LRP1B: variants seen among roughly 807,000 people sequenced by gnomAD.
The protein encoded by LRP1B is low-density lipoprotein receptor-related protein 1B.
Under a neutral mutation model 556.6 loss-of-function variants are expected in LRP1B, and 217 were observed. The ratio of observed to expected loss-of-function variants is 0.39; its 90% CI spans 0.35 to 0.44. The LOEUF is 0.44. Ranked by LOEUF, LRP1B falls within the 20% of genes least tolerant of loss-of-function variation. The pLI, the probability that LRP1B is intolerant of heterozygous loss-of-function variation, is 1.00. For missense variants in LRP1B, 5,053 were observed against 5,620.8 expected, an observed-to-expected ratio of 0.90 and a Z score of 3.23; for synonymous variants, 2,047 against 1,865.8, an observed-to-expected ratio of 1.10 and a Z score of -2.50.
In LRP1B at chr2:140,483,156, CT is replaced by C. The variant is rs554095067; in HGVS notation, c.9425+2186del. Among the ~76,000 whole-genome samples, 16 of 152,032 alleles carry C rather than the reference CT, an allele frequency of 1.1e-4. No homozygotes were observed. The South Asian group carries it at 3.1e-3, about 30-fold the overall frequency. ...TTTCATAAAGAGATCCAACTTTTAC[CT>C]TTTTCTTTGGTTATAATATGACATA... On this transcript the variant is annotated intron_variant, in intron 59 of 90. Transcript: ENST00000389484.
intron 1 of LRP1B, among the ~76,000 whole-genome samples, chr2:141,926,656 C>A (rs1700340568): frequency 1.3e-5 from 2 of 152,104 alleles, no homozygotes; most frequent in Admixed American, 1.3e-4. Context: ...AAGCAAAGTT[C>A]ACATATTGCT....
At chr2:140,718,261 C>A (rs970527127) in intron 35 of LRP1B, among the ~76,000 whole-genome samples, 2 of 151,830 alleles carry the variant, frequency 1.3e-5, no homozygotes, top group African/African-American at 4.8e-5. Context: ...ATAGTTGGCA[C>A]CTCCATCCTC....
chr2:142,035,484 CA>C (rs1423416440), intron 1 of LRP1B, among the ~76,000 whole-genome samples: 2 of 151,276 alleles, frequency 1.3e-5, no homozygotes, highest in African/African-American at 4.9e-5. Flanking sequence ...TTAATATTCA[CA>C]GACGGTTCTA....
chr2:141,481,202 T>A (rs184355421), intron 2 of LRP1B, among the ~76,000 whole-genome samples: 1 of 152,204 alleles, frequency 6.6e-6, no homozygotes. Flanking sequence ...TCACCATTTG[T>A]GTTTTTAAGA....
Position 141,548,328 on chromosome 2 carries a change from T to A in LRP1B, c.206-67795A>T, listed in dbSNP as rs11695344. Among the ~76,000 whole-genome samples, 333 of 152,322 alleles carry A rather than the reference T, an allele frequency of 2.2e-3. 1 individual carries two copies. The highest frequency in any genetic ancestry group is 3.5e-3 in the Admixed American group (54 of 15,290). ...ATCCTTATCATTTTGTCACTGTAAC[T>A]GGAGGATGACTGTGAACTAAATAGG... On this transcript the variant is annotated intron_variant, in intron 2 of 90. Coordinates refer to ENST00000389484, the MANE Select transcript of LRP1B (RefSeq NM_018557.3).
At chr2:141,376,860 C>T (rs949922003) in intron 3 of LRP1B, among the ~76,000 whole-genome samples, 19 of 152,166 alleles carry the variant, frequency 1.2e-4, no homozygotes, top group Admixed American at 1.0e-3. Context: ...CTTTCTATTT[C>T]AATCAGAGTA....
At chr2:141,358,807 G>C (rs140741417) in intron 3 of LRP1B, among the ~76,000 whole-genome samples, 13 of 151,940 alleles carry the variant, frequency 8.6e-5, no homozygotes, top group African/African-American at 3.1e-4. Context: ...AAAATAATAC[G>C]ACATAATTGG....
chr2:140,640,673 G>T (rs953743209), intron 41 of LRP1B, among the ~76,000 whole-genome samples: 9 of 151,796 alleles, frequency 5.9e-5, no homozygotes, highest in Non-Finnish European at 1.3e-4. Context: ...GTGAGCCACC[G>T]CACCTGGCTC....
intron 5 of LRP1B, among the ~76,000 whole-genome samples, chr2:141,239,581 T>C (rs1230913915): frequency 6.6e-6 from 1 of 152,064 alleles, no homozygotes; most frequent in African/African-American, 2.4e-5. Flanking sequence ...TGAGAGAAGA[T>C]AGGATCTGTA....
intron 7 of LRP1B, among the ~76,000 whole-genome samples, chr2:141,099,002 C>T (rs1229566478): frequency 1.3e-5 from 2 of 152,058 alleles, no homozygotes; most frequent in African/African-American, 4.8e-5. Context: ...CCAAAACATT[C>T]AAAGGCCACA....
At chr2:140,635,675 A>C (rs1485879341) in intron 41 of LRP1B, among the ~76,000 whole-genome samples, 1 of 151,998 alleles carries the variant, frequency 6.6e-6, no homozygotes, top group Non-Finnish European at 1.5e-5. Context: ...TATATACTAT[A>C]TATAACATGT....
Position 142,130,933 on chromosome 2 carries a change from C to G in LRP1B, c.-204G>C. 1.6e-6 allele frequency: 1 copy of G among 612,802 alleles called. No homozygotes were observed. The highest frequency in any genetic ancestry group is 2.9e-6 in the Non-Finnish European group (1 of 340,992). 38.0% of individuals were successfully genotyped at this position (612,802 alleles called of 1,614,324 possible). A position where few individuals can be genotyped will look rare whatever the true frequency, so the allele number is the denominator to read the frequency against. ...AGGATGTGGAAGGTGGAGGGATGCGCGCGTGCGGGAGAGAGGAGGCAGAGC... is the reference window on the plus strand; with the variant it reads ...AGGATGTGGAAGGTGGAGGGATGCGGGCGTGCGGGAGAGAGGAGGCAGAGC... On this transcript the variant is annotated 5_prime_UTR_variant, in exon 1 of 91. Transcript: ENST00000389484.
At chr2:140,887,458 A>AT (rs531290711) in intron 23 of LRP1B, among the ~76,000 whole-genome samples, 66 of 152,216 alleles carry the variant, frequency 4.3e-4, no homozygotes, top group Middle Eastern at 3.4e-3. Flanking sequence ...TGGAAAGATG[A>AT]TTTTTCCTCC....
chr2:141,190,079 T>A (rs1026595163), intron 6 of LRP1B, among the ~76,000 whole-genome samples: 2 of 152,028 alleles, frequency 1.3e-5, no homozygotes, highest in Admixed American at 6.6e-5. Flanking sequence ...TGAGGACTGC[T>A]GCCTGAGAGA....
intron 9 of LRP1B, among the ~76,000 whole-genome samples, chr2:141,056,798 C>T (rs893744093): frequency 6.6e-6 from 1 of 151,810 alleles, no homozygotes; most frequent in South Asian, 2.1e-4. Flanking sequence ...TTGGACTTCC[C>T]CCTTCAACTC....
At chr2:141,406,419 C>T (rs1228814740) in intron 3 of LRP1B, among the ~76,000 whole-genome samples, 1 of 151,968 alleles carries the variant, frequency 6.6e-6, no homozygotes, top group Non-Finnish European at 1.5e-5. Flanking sequence ...AACATAAGGT[C>T]AGACTAGGCA....
chr2:140,313,125 T>C (rs969062022), intron 83 of LRP1B, among the ~76,000 whole-genome samples: 7 of 151,942 alleles, frequency 4.6e-5, no homozygotes, highest in Admixed American at 1.3e-4. Flanking sequence ...AAAACCACAT[T>C]TTAAAAGTGA....
chr2:141,366,560 G>A lies in LRP1B; in HGVS notation c.344-111919C>T, dbSNP rs532471104. Among the ~76,000 whole-genome samples, 67 of 152,210 alleles carry A rather than the reference G, an allele frequency of 4.4e-4. 1 individual carries two copies. Among genetic ancestry groups the A allele is most frequent in the Middle Eastern group, 3.4e-3 (1 of 294 alleles). On this transcript the variant is annotated intron_variant, in intron 3 of 90. Transcript: ENST00000389484. ...TTGCATTTCCTGTTTGCATTTTCATGCAATATTTTATTAACTAAAAAGGCA... is the reference window on the plus strand; with the variant it reads ...TTGCATTTCCTGTTTGCATTTTCATACAATATTTTATTAACTAAAAAGGCA...
At chr2:141,407,693 C>T (rs147917672) in intron 3 of LRP1B, among the ~76,000 whole-genome samples, 226 of 152,200 alleles carry the variant, frequency 1.5e-3, no homozygotes, top group African/African-American at 5.3e-3. Context: ...TTGAAAGCTC[C>T]CTGAGGCTTC....
Sources: allele counts gnomAD v4.1 joint callset (sites outside exome capture counted in the v4.1 genomes callset), GRCh38; gene constraint gnomAD v4.1.1; transcripts MANE v1.5; gene names NCBI Gene and HGNC (gene_info 2026-07-23, HGNC 2026-07-21).